The following RTEL1 variants were observed in gnomAD, a reference collection of about 807,000 sequenced individuals.
RTEL1 encodes the protein regulator of telomere elongation helicase 1.
In RTEL1, 86 loss-of-function variants were observed where a neutral mutation model predicts 162.2. The ratio of observed to expected loss-of-function variants is 0.53; its 90% CI spans 0.45 to 0.63. The LOEUF (loss-of-function observed/expected upper bound fraction) is 0.63, where lower values mean the gene tolerates loss of function less well. Among genes scored for constraint, RTEL1 ranks in the 30% least tolerant of loss-of-function variants. The pLI, the probability that RTEL1 is intolerant of heterozygous loss-of-function variation, is 0.00. For missense variants in RTEL1, 1,941 were observed against 1,750.2 expected, an observed-to-expected ratio of 1.11 and a Z score of -1.95; for synonymous variants, 958 against 717.9, an observed-to-expected ratio of 1.33 and a Z score of -5.35.
intron 30 of RTEL1, among the ~76,000 whole-genome samples, chr20:63,693,534 ACCACCACCACCACCACCACCTCCACCT>A (rs2090857020): frequency 3.0e-4 from 3 of 10,160 alleles, no homozygotes; most frequent in East Asian, 3.7e-3. Flanking sequence ...CACCTCCACC[ACCACCACCACCACCACCACCTCCACCT>A]CCACCACCTC....
At chr20:63,685,073 C>T (rs1233473838) in intron 14 of RTEL1, among the ~76,000 whole-genome samples, 3 of 143,338 alleles carry the variant, frequency 2.1e-5, no homozygotes, top group Non-Finnish European at 4.6e-5. Flanking sequence ...TTGGTGAACA[C>T]CCTGGGGTTG....
chr20:63,676,191 C>A (rs1267655052), intron 10 of RTEL1, among the ~76,000 whole-genome samples: 1 of 152,154 alleles, frequency 6.6e-6, no homozygotes, highest in Non-Finnish European at 1.5e-5. Flanking sequence ...CTCAAGTGAT[C>A]CTCCTGCCTC....
intron 8 of RTEL1, 30 bp downstream of exon 8, chr20:63,667,583 C>T (rs1441188120): frequency 1.1e-5 from 17 of 1,561,940 alleles, no homozygotes; most frequent in Non-Finnish European, 1.4e-5. Flanking sequence ...GCTGACGACT[C>T]CTGATGTCCA....
chr20:63,689,229 G>C (rs1468094572), intron 22 of RTEL1, 97 bp downstream of exon 22: 2 of 1,245,430 alleles, frequency 1.6e-6, no homozygotes, highest in African/African-American at 3.0e-5. Context: ...GGGCTGCCCG[G>C]TCCCCTCCTT....
rs61736616 is a variant in RTEL1, at chr20:63,661,404, G to A, written c.209G>A (p.Arg70His). The A allele has an allele frequency of 2.5e-6, 4 of 1,613,928 alleles. No homozygotes were observed. The highest frequency in any genetic ancestry group is 4.5e-5 in the East Asian group (2 of 44,878). The change falls in exon 3 of 35, where the codon CGC becomes CAC. Residue 70 changes from arginine (R) to histidine (H), a missense_variant. Arg to His is a conservative substitution (Grantham distance 29). Transcript: ENST00000360203. The surrounding 1 kb of genome is among the most constrained non-coding windows in gnomAD (Gnocchi z 5.1). ...CACCTCCGAGACGGCATCTCTGCCC[G>A]CAAGATTGCCGAGAGGGCGCAAGGA... ...REHLRDGISA[R>H]KIAERAQGEL...
chr20:63,662,040 G>C, intron 4 of RTEL1, 97 bp downstream of exon 4: 1 of 998,450 alleles, frequency 1.0e-6, no homozygotes, highest in Non-Finnish European at 1.6e-6. Context: ...GTGGTGGAGG[G>C]TGGTGGTCTT....
chr20:63,690,138 C>T lies in RTEL1; in HGVS notation c.2193C>T (p.His731=), dbSNP rs762588751. ...AACTGCCCTCCTGGGTGCGTCCCCACGTCAGGGTGTATGACAACTTTGGCC... is the reference window on the plus strand; with the variant it reads ...AACTGCCCTCCTGGGTGCGTCCCCATGTCAGGGTGTATGACAACTTTGGCC... ...RAQLPSWVRP[H]VRVYDNFGHV... Residue 731 remains histidine, a synonymous_variant, in exon 25 of 35, where the codon CAC becomes CAT. Coordinates refer to ENST00000360203, the MANE Select transcript of RTEL1 (RefSeq NM_001283009.2). 13 of 1,612,386 alleles carry T rather than the reference C, an allele frequency of 8.1e-6. No individual in the cohort carries two copies. The highest frequency in any genetic ancestry group is 5.0e-5 in the Admixed American group (3 of 59,990).
At position 63,689,594 on chromosome 20, in the gene RTEL1, C is replaced by T. The variant is rs778883996; in HGVS notation, c.1971C>T (p.Val657=). The part of the protein sequence containing the change: ...PYPPRMDPRV[V]LKMQFLDEMK... ...CCCCACGCATGGACCCCCGGGTTGT[C>T]CTCAAGATGCAGTTCCTGGATGAGA... Residue 657 remains valine (V), a synonymous_variant, in exon 23 of 35, where the codon GTC becomes GTT. Coordinates refer to ENST00000360203, the MANE Select transcript of RTEL1 (RefSeq NM_001283009.2). 13 of 1,612,422 alleles carry T rather than the reference C, an allele frequency of 8.1e-6. No homozygotes were observed. In the South Asian group the frequency reaches 1.2e-4, roughly 15 times the overall value.
rs61736615 is a variant in RTEL1, at chr20:63,692,937, G to A, written c.2785G>A (p.Ala929Thr). 53,688 of 1,612,586 alleles carry A rather than the reference G, an allele frequency of 0.033. 1,007 individuals carry two copies. The highest frequency in any genetic ancestry group is 0.039 in the Non-Finnish European group (45,423 of 1,179,804). The change falls in exon 29 of 35, where the codon GCC becomes ACC. Residue 929 changes from alanine to threonine, a missense_variant. Coordinates refer to ENST00000360203, the MANE Select transcript of RTEL1 (RefSeq NM_001283009.2). ...LQDYKGSDDF[A>T]ALAACLGPLF... is the part of the protein sequence containing the mutation. ...GGACTACAAGGGTTCCGATGACTTC[G>A]CCGCCCTGGCCGCCTGTCTCGGCCC...
intron 7 of RTEL1, 38 bp from the exon 8 acceptor site, chr20:63,667,431 T>C: frequency 6.5e-7 from 1 of 1,527,670 alleles, no homozygotes; most frequent in Non-Finnish European, 9.1e-7. Context: ...GTCCCCTGCA[T>C]GGGGTGCTCA....
In RTEL1 at chr20:63,690,752, ACCCCAGCTGGGGC is replaced by A. The variant is rs984802013; in HGVS notation, c.2414-48_2414-36del. 3.9e-6 allele frequency: 6 copies of A among 1,537,990 alleles called. No homozygotes were observed. In the Admixed American group the frequency reaches 6.1e-5, roughly 16 times the overall value. On this transcript the variant is annotated intron_variant, in intron 26 of 34. Transcript: ENST00000360203. ...AAGAGGGGCTTTGCCACAGGCAGGG[ACCCCAGCTGGGGC>A]CCCCCGTGGGCTTCACTGCGCACTC...
At position 63,692,878 on chromosome 20, in the gene RTEL1, A is replaced by T; in HGVS notation, c.2726A>T (p.Gln909Leu). ...FMVAVKQELS[Q>L]ANFATFTQAL... ...GTGGCCGTGAAGCAGGAGTTGAGCC[A>T]AGCCAACTTTGCCACCTTCACCCAG... The change falls in exon 29 of 35, where the codon CAA becomes CTA. Residue 909 changes from glutamine (Q) to leucine (L), a missense_variant. By Grantham distance (113) the Gln-to-Leu change is moderately radical. Coordinates refer to ENST00000360203, the MANE Select transcript of RTEL1 (RefSeq NM_001283009.2). The T allele has an allele frequency of 6.2e-7, 1 of 1,612,644 alleles. No individual in the cohort carries two copies. The highest frequency in any genetic ancestry group is 8.5e-7 in the Non-Finnish European group (1 of 1,179,854).
rs1435854918 is a variant in RTEL1 at position 63,666,082 on chromosome 20, G to A, written c.614+3G>A. 15 of 1,613,644 alleles carry A rather than the reference G, an allele frequency of 9.3e-6. No individual in the cohort carries two copies. The Admixed American group carries it at 2.3e-4, about 25-fold the overall frequency. On this transcript the variant is annotated splice_donor_region_variant and intron_variant, in intron 7 of 34. Transcript: ENST00000360203. The stretch of plus-strand genomic sequence containing the variant: ...GTCAAGAGCGGAAGCAAGCACAGGT[G>A]AGACCCCTCAGTGAGGCCACGACCA...
chr20:63,688,801 G>A (rs2145424381), intron 21 of RTEL1, 196 bp downstream of exon 21: 4 of 636,566 alleles, frequency 6.3e-6, no homozygotes, highest in Non-Finnish European at 1.1e-5. Flanking sequence ...GGGTGGGTGT[G>A]GTAACAGTGG....
chr20:63,678,854 G>C (rs2146214037), intron 12 of RTEL1, among the ~76,000 whole-genome samples: 1 of 130,190 alleles, frequency 7.7e-6, no homozygotes, highest in East Asian at 2.1e-4. Flanking sequence ...CACTCCCACG[G>C]AACAGCAGAC....
intron 12 of RTEL1, among the ~76,000 whole-genome samples, chr20:63,679,398 T>C (rs1372078291): frequency 6.6e-6 from 1 of 152,096 alleles, no homozygotes; most frequent in Non-Finnish European, 1.5e-5. Context: ...ACTGTCACTC[T>C]CCAAAGCTTT....
At chr20:63,695,694 G>T in intron 34 of RTEL1, 44 bp downstream of exon 34, 2 of 1,609,126 alleles carry the variant, frequency 1.2e-6, no homozygotes, top group Non-Finnish European at 1.7e-6. Flanking sequence ...GTAGCCCCAG[G>T]TGATGGGCTG....
Position 63,690,229 on chromosome 20 carries a change from A to G in RTEL1, c.2265+19A>G. 1 of 1,610,114 alleles carries G rather than the reference A, an allele frequency of 6.2e-7. No homozygotes were observed. Among genetic ancestry groups the G allele is most frequent in the South Asian group, 1.1e-5 (1 of 90,998 alleles). On this transcript the variant is annotated intron_variant, in intron 25 of 34. Transcript: ENST00000360203. ...GCGAACTGTGAGTTCCTGCCCAGGG[A>G]GGGGATGAGGGTGTTGTCCCCAGAG... is the stretch of plus-strand genomic sequence containing the variant.
intron 6 of RTEL1, among the ~76,000 whole-genome samples, chr20:63,663,822 C>T (rs1397399935): frequency 6.6e-6 from 1 of 152,172 alleles, no homozygotes; most frequent in East Asian, 1.9e-4. Flanking sequence ...GCTCAGTGTG[C>T]CAGGACTGAG....
Sources: allele counts gnomAD v4.1 joint callset (sites outside exome capture counted in the v4.1 genomes callset), GRCh38; gene constraint gnomAD v4.1.1; non-coding constraint Gnocchi (gnomAD v3.1); transcripts MANE v1.5; gene names NCBI Gene and HGNC (gene_info 2026-07-23, HGNC 2026-07-21).